Variants in MIA2 observed in about 807,000 individuals in gnomAD.
MIA2 encodes the protein melanoma inhibitory activity protein 2.
In MIA2, 127 loss-of-function variants were observed where a neutral mutation model predicts 167.8. That is an observed-to-expected ratio of 0.76 (90% confidence interval 0.66 to 0.88). MIA2 has a LOEUF of 0.88. Among genes scored for constraint, MIA2 ranks in the 40% least tolerant of loss-of-function variants. The probability of loss-of-function intolerance (pLI) is 0.00; values close to 1 mark genes in which losing one functional copy is unlikely to be tolerated. For missense variants in MIA2, 1,690 were observed against 1,624.7 expected, an observed-to-expected ratio of 1.04 and a Z score of -0.69; for synonymous variants, 552 against 541.9, an observed-to-expected ratio of 1.02 and a Z score of -0.26.
intron 22 of MIA2, among the ~76,000 whole-genome samples, chr14:39,318,483 A>ATC (rs2065877427): frequency 6.6e-6 from 1 of 152,202 alleles, no homozygotes; most frequent in African/African-American, 2.4e-5. Context: ...GCAGGGAAGA[A>ATC]TAAGTGCTTT....
intron 25 of MIA2, among the ~76,000 whole-genome samples, chr14:39,342,328 A>T (rs569402302): frequency 1.3e-5 from 2 of 152,250 alleles, no homozygotes; most frequent in Admixed American, 1.3e-4. Context: ...ATGTCCCTAC[A>T]AAGGACATGA....
chr14:39,346,891 A>G, intron 26 of MIA2: 2 of 331,314 alleles, frequency 6.0e-6, no homozygotes, highest in Non-Finnish European at 1.2e-5. Context: ...CAAGCATGAG[A>G]CACCTTGCTC....
intron 25 of MIA2, among the ~76,000 whole-genome samples, chr14:39,333,771 G>A (rs2153024747): frequency 6.6e-6 from 1 of 152,238 alleles, no homozygotes; most frequent in Admixed American, 6.5e-5. Context: ...TTATACTTAT[G>A]TGTAGGAGAG....
intron 9 of MIA2, among the ~76,000 whole-genome samples, chr14:39,284,537 G>T (rs1595018688): frequency 6.6e-6 from 1 of 152,038 alleles, no homozygotes; most frequent in East Asian, 1.9e-4. Context: ...GGGATCTTTT[G>T]CTATTCCATA....
rs150254185 is a variant in MIA2, at chr14:39,247,658, A to T, written c.1084A>T (p.Lys362Ter). 4.3e-6 allele frequency: 7 copies of T among 1,610,412 alleles called. No homozygotes were observed. The African/African-American group carries it at 9.4e-5, about 22-fold the overall frequency. ...TVPCTEILTEKKDTITNDSLS... is the reference protein window; with the variant it reads ...TVPCTEILTE ...TCCATGTACAGAAATATTAACAGAA[A>T]AAAAAGACACAATCACTAATGATAG... is the stretch of plus-strand genomic sequence containing the variant. The change falls in exon 4 of 29, where the codon AAA becomes TAA. Residue 362 changes from lysine to a stop codon, truncating the protein, a stop_gained. Coordinates refer to ENST00000640607, the MANE Select transcript of MIA2 (RefSeq NM_001329214.4). LOFTEE classifies it high-confidence loss of function.
Position 39,247,611 on chromosome 14 carries a change from C to T in MIA2, c.1037C>T (p.Ser346Leu). 1 of 1,613,846 alleles carries T rather than the reference C, an allele frequency of 6.2e-7. No homozygotes were observed. Among genetic ancestry groups the T allele is most frequent in the Non-Finnish European group, 8.5e-7 (1 of 1,179,974 alleles). The change falls in exon 4 of 29, where the codon TCA (serine) becomes TTA (leucine). Residue 346 changes from serine to leucine, a missense_variant. By Grantham distance (145) the Ser-to-Leu change is moderately radical. Coordinates refer to ENST00000640607, the MANE Select transcript of MIA2 (RefSeq NM_001329214.4). ...CTACAAGATTTTCCCAATTCCATAT[C>T]ATCTGATAAAGAAGCCACAGTTCCA... is the stretch of plus-strand genomic sequence containing the variant. ...PPLQDFPNSI[S>L]SDKEATVPCT...
Position 39,348,860 on chromosome 14 carries a change from C to T in MIA2, c.3955C>T (p.Pro1319Ser). 3.1e-6 allele frequency: 5 copies of T among 1,614,068 alleles called. No individual in the cohort carries two copies. The highest frequency in any genetic ancestry group is 1.3e-5 in the African/African-American group (1 of 75,034). ...GPLFPVDARG[P>S]FLRRGPPFPP... ...ATTGTTTCCAGTGGATGCAAGAGGCCCATTCTTGAGAAGAGGACCTCCTTT... is the reference window on the plus strand; with the variant it reads ...ATTGTTTCCAGTGGATGCAAGAGGCTCATTCTTGAGAAGAGGACCTCCTTT... The change falls in exon 28 of 29, where the codon CCA becomes TCA. Residue 1319 changes from proline (P) to serine (S), a missense_variant. By Grantham distance (74) the Pro-to-Ser change is moderately conservative. Transcript: ENST00000640607.
Position 39,265,142 on chromosome 14 carries a change from C to T in MIA2, c.1888-11792C>T, listed in dbSNP as rs1173064779. On this transcript the variant is annotated intron_variant, in intron 6 of 28. Coordinates refer to ENST00000640607, the MANE Select transcript of MIA2 (RefSeq NM_001329214.4). ...ACATTTTAAAAAACATATATAGGTG[C>T]ATATGTATGTGTGTGAGTATATATA... The T allele has an allele frequency of 1.1e-5, 4 of 352,038 alleles. No individual in the cohort carries two copies. The East Asian group carries it at 2.1e-4, about 18-fold the overall frequency. 21.8% of individuals were successfully genotyped at this position (352,038 alleles called of 1,614,324 possible). A position where few individuals can be genotyped will look rare whatever the true frequency, so the allele number is the denominator to read the frequency against.
chr14:39,319,301 T>A lies in MIA2; in HGVS notation c.3367+10T>A. On this transcript the variant is annotated intron_variant, in intron 23 of 28. Coordinates refer to ENST00000640607, the MANE Select transcript of MIA2 (RefSeq NM_001329214.4). ...ACAGCATTTGGCAGAGGTAGTCTTT[T>A]TTTTTTTACCCCTCATTTAAAATAC... is the stretch of plus-strand genomic sequence containing the variant. The A allele has an allele frequency of 6.8e-7, 1 of 1,475,718 alleles. No homozygotes were observed. Among genetic ancestry groups the A allele is most frequent in the Non-Finnish European group, 9.1e-7 (1 of 1,103,194 alleles). The allele number at this position is 1,475,718 out of a possible 1,614,324, so 91.4% of individuals were successfully genotyped here. A position where few individuals can be genotyped will look rare whatever the true frequency, so the allele number is the denominator to read the frequency against.
intron 9 of MIA2, among the ~76,000 whole-genome samples, chr14:39,289,471 C>G (rs1433128667): frequency 3.9e-5 from 6 of 152,102 alleles, no homozygotes; most frequent in Non-Finnish European, 5.9e-5. Flanking sequence ...ATCTGGCCTC[C>G]TAAAGTGCTA....
At chr14:39,361,531 C>T (rs536175940) in intron 23 of MIA2, among the ~76,000 whole-genome samples, 17 of 151,988 alleles carry the variant, frequency 1.1e-4, no homozygotes, top group South Asian at 2.1e-4. Context: ...TTCCGCCTCC[C>T]GGGTTCAAGC....
At chr14:39,267,364 T>TCGGGTTC (rs1192717193) in intron 6 of MIA2, 7 of 1,586,434 alleles carry the variant, frequency 4.4e-6, no homozygotes, top group African/African-American at 1.4e-5. Context: ...GGGTGCGGAT[T>TCGGGTTC]CGGGTTCCGG....
intron 22 of MIA2, among the ~76,000 whole-genome samples, chr14:39,318,627 A>T (rs188416838): frequency 2.4e-4 from 36 of 152,228 alleles, no homozygotes; most frequent in Middle Eastern, 3.4e-3. Flanking sequence ...CAAATTATTA[A>T]ATGTTTTATA....
rs569701370 is a variant in MIA2 at position 39,378,332 on chromosome 14, A to AC, written c.2249-8552dup. ...AGTTCATCCCATGCAGTTAACTCCT[A>AC]CTGTGCTCAATATTGGATCAGCAAA... On this transcript the variant is annotated intron_variant, in intron 23 of 23. Coordinates refer to the MIA2 transcript ENST00000341502. Among the ~76,000 whole-genome samples, 270 of 152,324 alleles carry AC rather than the reference A, an allele frequency of 1.8e-3. 1 individual carries two copies. The highest frequency in any genetic ancestry group is 6.0e-3 in the African/African-American group (248 of 41,566).
chr14:39,246,770 A>G, intron 3 of MIA2, 141 bp from the exon 4 acceptor site: 1 of 476,936 alleles, frequency 2.1e-6, no homozygotes, highest in Non-Finnish European at 3.6e-6. Context: ...CAGTTGTGAT[A>G]CAAGTGTTTG....
At chr14:39,267,143 G>A (rs892143424) in intron 6 of MIA2, 28 of 1,154,522 alleles carry the variant, frequency 2.4e-5, no homozygotes, top group Admixed American at 2.3e-4. Flanking sequence ...GCCTTCTCGC[G>A]GCTGCCCGGC....
chr14:39,370,829 C>G (rs953827678), intron 23 of MIA2: 1 of 153,166 alleles, frequency 6.5e-6, no homozygotes, highest in Non-Finnish European at 1.5e-5. Flanking sequence ...TTTCCCGTTG[C>G]TTTGATCTTA....
At chr14:39,324,744 T>A in intron 24 of MIA2, among the ~76,000 whole-genome samples, 1 of 152,044 alleles carries the variant, frequency 6.6e-6, no homozygotes, top group Non-Finnish European at 1.5e-5. Flanking sequence ...GTAGCTGGGA[T>A]TACAGGCACG....
intron 6 of MIA2, chr14:39,266,094 G>A: frequency 1.0e-6 from 1 of 985,428 alleles, no homozygotes; most frequent in Non-Finnish European, 1.2e-6. Flanking sequence ...GCTACAAGAG[G>A]TTACATCAGG....
Sources: allele counts gnomAD v4.1 joint callset (sites outside exome capture counted in the v4.1 genomes callset), GRCh38; gene constraint gnomAD v4.1.1; transcripts MANE v1.5; gene names NCBI Gene and HGNC (gene_info 2026-07-23, HGNC 2026-07-21).